Variants in KDM3B observed in about 807,000 individuals in gnomAD.
KDM3B encodes lysine demethylase 3B, also known as lysine-specific demethylase 3B.
In KDM3B, 10 loss-of-function variants were observed where a neutral mutation model predicts 170.0. The observed-to-expected ratio is 0.06, with a 90% CI of 0.04 to 0.10. The LOEUF (loss-of-function observed/expected upper bound fraction) is 0.10, where lower values mean the gene tolerates loss of function less well. Among genes scored for constraint, KDM3B ranks in the 10% least tolerant of loss-of-function variants. KDM3B has a pLI of 1.00. For synonymous variants in KDM3B, 831 were observed against 834.8 expected, an observed-to-expected ratio of 1.00 and a Z score of 0.08; for missense variants, 1,394 against 2,195.2, an observed-to-expected ratio of 0.64 and a Z score of 7.29.
At chr5:138,400,344 C>T (rs1333897339) in intron 11 of KDM3B, among the ~76,000 whole-genome samples, 2 of 151,852 alleles carry the variant, frequency 1.3e-5, no homozygotes, top group Admixed American at 6.6e-5. Context: ...TGATCCTCCT[C>T]GACCTCTCAG....
At chr5:138,399,690 A>G (rs1182241773) in intron 10 of KDM3B, among the ~76,000 whole-genome samples, 170 bp from the exon 11 acceptor site, 1 of 152,172 alleles carries the variant, frequency 6.6e-6, no homozygotes, top group Non-Finnish European at 1.5e-5. Flanking sequence ...TTGTTCAGAA[A>G]TACTAGAAAT....
intron 6 of KDM3B, among the ~76,000 whole-genome samples, chr5:138,384,726 C>T (rs915993921): frequency 1.5e-5 from 2 of 133,400 alleles, no homozygotes; most frequent in East Asian, 2.1e-4. Flanking sequence ...ACGACAAGAG[C>T]GAAACTCTTG....
intron 2 of KDM3B, 57 bp downstream of exon 2, chr5:138,372,898 A>G (rs1761907998): frequency 2.5e-5 from 36 of 1,459,668 alleles, no homozygotes; most frequent in Non-Finnish European, 3.2e-5. Context: ...TAATATAACT[A>G]TGACATGTTA....
chr5:138,357,120 G>C (rs1215257175), intron 1 of KDM3B, among the ~76,000 whole-genome samples: 1 of 152,062 alleles, frequency 6.6e-6, no homozygotes, highest in Admixed American at 6.6e-5. Flanking sequence ...AATCCTCCCA[G>C]GGACTACAGG....
intron 1 of KDM3B, among the ~76,000 whole-genome samples, chr5:138,367,954 A>C (rs549455126): frequency 2.0e-5 from 3 of 151,988 alleles, no homozygotes; most frequent in Non-Finnish European, 2.9e-5. Flanking sequence ...TGGAGGTTGC[A>C]GTGAGCCGAG....
chr5:138,427,399 G>A, intron 19 of KDM3B, 80 bp downstream of exon 19: 1 of 1,490,394 alleles, frequency 6.7e-7, no homozygotes, highest in Admixed American at 1.8e-5. Context: ...TGTGGTCAAT[G>A]TCAGGTATAG....
At chr5:138,388,748 A>G (rs1393629272) in intron 7 of KDM3B, among the ~76,000 whole-genome samples, 1 of 151,848 alleles carries the variant, frequency 6.6e-6, no homozygotes, top group African/African-American at 2.4e-5. Flanking sequence ...GGAGGCGGAG[A>G]TTGCAGTGAG....
intron 23 of KDM3B, among the ~76,000 whole-genome samples, chr5:138,433,773 C>T (rs1386339707): frequency 6.6e-6 from 1 of 151,780 alleles, no homozygotes; most frequent in Non-Finnish European, 1.5e-5. Flanking sequence ...GAGTCCCGCT[C>T]CGTTGCCCAC....
chr5:138,417,069 G>A (rs1404851901), intron 12 of KDM3B, among the ~76,000 whole-genome samples: 4 of 152,134 alleles, frequency 2.6e-5, no homozygotes, highest in Admixed American at 6.6e-5. Context: ...CAATTCTTCC[G>A]CCTTGGCCTC....
chr5:138,385,901 C>A, intron 6 of KDM3B, 121 bp from the exon 7 acceptor site: 2 of 1,109,834 alleles, frequency 1.8e-6, no homozygotes, highest in Non-Finnish European at 2.6e-6. Context: ...TTAGAACTGG[C>A]ATTGGAACTT....
Position 138,418,938 on chromosome 5 carries a change from C to T in KDM3B, c.3436-15C>T. 1.2e-6 allele frequency: 2 copies of T among 1,610,276 alleles called. No homozygotes were observed. Among genetic ancestry groups the T allele is most frequent in the Middle Eastern group, 1.7e-4 (1 of 6,042 alleles). ...AAGCACAGCACTCTAATTATGTTGGCCTTCTGCATTTTAGCTTCCTAGCAT... is the reference window on the plus strand; with the variant it reads ...AAGCACAGCACTCTAATTATGTTGGTCTTCTGCATTTTAGCTTCCTAGCAT... On this transcript the variant is annotated splice_polypyrimidine_tract_variant and intron_variant, in intron 13 of 23. Coordinates refer to ENST00000314358, the MANE Select transcript of KDM3B (RefSeq NM_016604.4).
chr5:138,413,428 T>C (rs576278055), intron 11 of KDM3B, among the ~76,000 whole-genome samples: 2 of 151,752 alleles, frequency 1.3e-5, no homozygotes, highest in African/African-American at 4.8e-5. Context: ...TTATCAAGGA[T>C]GTAGAAGTAG....
At chr5:138,360,061 CCTCT>C (rs1761558175) in intron 1 of KDM3B, among the ~76,000 whole-genome samples, 1 of 152,088 alleles carries the variant, frequency 6.6e-6, no homozygotes, top group East Asian at 1.9e-4. Context: ...CTCTAAAATA[CCTCT>C]CTATTTTGTT....
At chr5:138,385,912 G>T in intron 6 of KDM3B, 110 bp from the exon 7 acceptor site, 1 of 1,262,256 alleles carries the variant, frequency 7.9e-7, no homozygotes, top group Non-Finnish European at 1.1e-6. Flanking sequence ...ATTGGAACTT[G>T]GCAGTCTATG....
intron 22 of KDM3B, 37 bp from the exon 23 acceptor site, chr5:138,431,388 T>C (rs747897193): frequency 1.3e-6 from 2 of 1,522,012 alleles, no homozygotes; most frequent in Non-Finnish European, 1.8e-6. Flanking sequence ...GAATCTCTAA[T>C]GTCTGATATT....
Position 138,420,724 on chromosome 5 carries a change from C to T in KDM3B, c.3734C>T (p.Ser1245Leu). The change falls in exon 15 of 24, where the codon TCG becomes TTG. Residue 1245 changes from serine (S) to leucine (L), a missense_variant. Physicochemically the swap from Ser to Leu is moderately radical, Grantham distance 145. This residue lies in a region of KDM3B where 137 missense variants were observed against 166.9 expected (regional missense o/e 0.82). Coordinates refer to ENST00000314358, the MANE Select transcript of KDM3B (RefSeq NM_016604.4). ...EETKEAGSLR[S>L]VLNKESHSPF... ...CTTACAGAAGCAGGGTCCCTGAGGT[C>T]GGTGCTCAATAAAGAGTCTCATTCA... 1.9e-6 allele frequency: 3 copies of T among 1,614,070 alleles called. No individual in the cohort carries two copies. Among genetic ancestry groups the T allele is most frequent in the Middle Eastern group, 1.7e-4 (1 of 6,060 alleles).
Position 138,436,835 on chromosome 5 carries a change from T to C in KDM3B, c.*1135T>C, listed in dbSNP as rs1045585012. On this transcript the variant is annotated 3_prime_UTR_variant, in exon 24 of 24. Coordinates refer to ENST00000314358, the MANE Select transcript of KDM3B (RefSeq NM_016604.4). ...TGGGATTCATTGGCCCATAGGTACA[T>C]TGGAAAATGTATATCTCTCCAGCTG... 2.6e-5 allele frequency: 4 copies of C among 152,240 alleles called. No homozygotes were observed. The highest frequency in any genetic ancestry group is 3.9e-4 in the East Asian group (2 of 5,184). 9.4% of individuals were successfully genotyped at this position (152,240 alleles called of 1,614,324 possible).
intron 11 of KDM3B, among the ~76,000 whole-genome samples, chr5:138,407,278 G>A (rs960735654): frequency 1.3e-4 from 20 of 152,152 alleles, no homozygotes; most frequent in East Asian, 9.7e-4. Flanking sequence ...GAGCCACCAC[G>A]CCCAGCCTAT....
At chr5:138,371,304 CAAAAATTACCTGG>C (rs1489412153) in intron 1 of KDM3B, among the ~76,000 whole-genome samples, 2 of 151,198 alleles carry the variant, frequency 1.3e-5, no homozygotes, top group Non-Finnish European at 1.5e-5. Context: ...TACAAATAAT[CAAAAATTACCTGG>C]ACATGGTAGT....
Sources: allele counts gnomAD v4.1 joint callset (sites outside exome capture counted in the v4.1 genomes callset), GRCh38; gene constraint gnomAD v4.1.1; regional missense constraint gnomAD v4.1.1; transcripts MANE v1.5; gene names NCBI Gene and HGNC (gene_info 2026-07-23, HGNC 2026-07-21).